CNTRL: variants seen among roughly 807,000 people sequenced by gnomAD.
CNTRL encodes centriolin, also known as 110 kDa centrosomal protein.
CNTRL carries 233 observed loss-of-function variants against 303.7 expected under a neutral mutation model. The ratio of observed to expected loss-of-function variants is 0.77; its 90% CI spans 0.69 to 0.86. CNTRL has a LOEUF of 0.86. CNTRL is among the 40% of genes least tolerant of loss of function. CNTRL has a pLI of 0.00. For missense variants in CNTRL, 2,524 were observed against 2,650.6 expected (o/e 0.95, Z 1.05); for synonymous variants, 900 against 922.2 (o/e 0.98, Z 0.44).
At chr9:121,173,773 A>G (rs779800085) in intron 42 of CNTRL, 36 bp downstream of exon 42, 1 of 1,589,152 alleles carries the variant, frequency 6.3e-7, no homozygotes. Flanking sequence ...TCAGTATGAG[A>G]TACTGGGCAC....
At chr9:121,081,511 C>T (rs939083727) in intron 2 of CNTRL, among the ~76,000 whole-genome samples, 4 of 152,210 alleles carry the variant, frequency 2.6e-5, no homozygotes, top group African/African-American at 7.2e-5. Flanking sequence ...AGATTGCCAC[C>T]TATACTTCTG....
At chr9:121,093,731 A>G (rs73662479) in intron 4 of CNTRL, among the ~76,000 whole-genome samples, 328 of 152,304 alleles carry the variant, frequency 2.2e-3, no homozygotes, top group African/African-American at 7.6e-3. Flanking sequence ...CCATATTCCC[A>G]TTACCTGGTG....
chr9:121,144,182 A>T, intron 20 of CNTRL, 100 bp downstream of exon 20: 2 of 1,031,308 alleles, frequency 1.9e-6, no homozygotes, highest in South Asian at 3.8e-5. Context: ...TGGTTATTTT[A>T]TAAACCACTG....
intron 19 of CNTRL, 41 bp downstream of exon 19, chr9:121,142,311 G>T (rs1383406224): frequency 6.5e-7 from 1 of 1,547,870 alleles, no homozygotes; most frequent in Non-Finnish European, 8.7e-7. Flanking sequence ...AGTACCTGCT[G>T]CCAGTGTCCT....
At chr9:121,170,203 G>A (rs1289559816) in intron 39 of CNTRL, among the ~76,000 whole-genome samples, 3 of 152,192 alleles carry the variant, frequency 2.0e-5, no homozygotes, top group Non-Finnish European at 4.4e-5. Flanking sequence ...AGATTGAGTG[G>A]CGCAATCTCA....
At chr9:121,092,815 A>T (rs1287811753) in intron 4 of CNTRL, among the ~76,000 whole-genome samples, 12 of 23,882 alleles carry the variant, frequency 5.0e-4, no homozygotes, top group African/African-American at 2.0e-3. Flanking sequence ...ATATATATAT[A>T]TATTTTTTTT....
intron 11 of CNTRL, among the ~76,000 whole-genome samples, chr9:121,117,108 A>T (rs2050012222): frequency 6.6e-6 from 1 of 152,194 alleles, no homozygotes; most frequent in Non-Finnish European, 1.5e-5. Context: ...AATAGCCTAA[A>T]TTTTTGTTTA....
At position 121,108,015 on chromosome 9, in the gene CNTRL, T is replaced by G. The variant is rs1451651195; in HGVS notation, c.1002+20T>G. Reference sequence around the variant, plus strand: ...GAATTGGTAAGTTCATATTTTACATTGCTTTGGCTGTATTCTCATAAGACA... The same window carrying G: ...GAATTGGTAAGTTCATATTTTACATGGCTTTGGCTGTATTCTCATAAGACA... On this transcript the variant is annotated intron_variant, in intron 8 of 43. Transcript: ENST00000373855. 4 of 1,517,674 alleles carry G rather than the reference T, an allele frequency of 2.6e-6. No individual in the cohort carries two copies. Among genetic ancestry groups the G allele is most frequent in the Non-Finnish European group, 3.6e-6 (4 of 1,126,296 alleles). The allele number at this position is 1,517,674 out of a possible 1,614,324, so 94.0% of individuals were successfully genotyped here.
intron 5 of CNTRL, among the ~76,000 whole-genome samples, chr9:121,095,858 A>G (rs2048869941): frequency 6.6e-6 from 1 of 152,230 alleles, no homozygotes; most frequent in African/African-American, 2.4e-5. Flanking sequence ...TAAATTGACA[A>G]ATAAATTAGA....
intron 9 of CNTRL, 69 bp downstream of exon 9, chr9:121,112,647 T>C: frequency 1.3e-6 from 2 of 1,481,540 alleles, no homozygotes; most frequent in Non-Finnish European, 1.9e-6. Context: ...GGAGGGCAGG[T>C]GGTGAGGACA....
intron 5 of CNTRL, 57 bp from the exon 6 acceptor site, chr9:121,096,365 A>G (rs951985449): frequency 2.7e-6 from 3 of 1,096,848 alleles, no homozygotes; most frequent in Non-Finnish European, 2.5e-6. Context: ...CTAAAAATAC[A>G]ATGGAGAGAC....
intron 5 of CNTRL, 90 bp downstream of exon 5, chr9:121,095,108 T>C: frequency 1.0e-6 from 1 of 981,192 alleles, no homozygotes. Flanking sequence ...GAAAGAATGA[T>C]TTGACAGAAA....
At chr9:121,132,465 A>G (rs556317362) in intron 14 of CNTRL, among the ~76,000 whole-genome samples, 2 of 152,280 alleles carry the variant, frequency 1.3e-5, no homozygotes, top group African/African-American at 2.4e-5. Flanking sequence ...TTCTCATGCC[A>G]TGGTTTTCAG....
chr9:121,099,156 G>A (rs922984887), intron 7 of CNTRL, among the ~76,000 whole-genome samples: 4 of 152,152 alleles, frequency 2.6e-5, no homozygotes, highest in Non-Finnish European at 5.9e-5. Flanking sequence ...TAACTGGGAG[G>A]CATCTCCCAG....
At chr9:121,165,318 TA>T (rs34558172) in intron 35 of CNTRL, among the ~76,000 whole-genome samples, 75,916 of 149,594 alleles carry the variant, frequency 0.51, 21,262 homozygotes, top group South Asian at 0.8. Context: ...TAAAGTCAGT[TA>T]AAAAAAAAAA....
Position 121,158,183 on chromosome 9 carries a change from G to T in CNTRL, c.4764+74G>T, listed in dbSNP as rs1248118523. On this transcript the variant is annotated intron_variant, in intron 30 of 43. Coordinates refer to ENST00000373855, the MANE Select transcript of CNTRL (RefSeq NM_007018.6). ...TTATAAAAGTAATACATGTTTAATT[G>T]TAGAAAAGAATAAATGCGGCTATGT... 3.9e-6 allele frequency: 6 copies of T among 1,527,098 alleles called. No individual in the cohort carries two copies. In the East Asian group the frequency reaches 1.4e-4, roughly 36 times the overall value. 94.6% of individuals were successfully genotyped at this position (1,527,098 alleles called of 1,614,324 possible).
chr9:121,140,000 T>G (rs1422027411), intron 16 of CNTRL, among the ~76,000 whole-genome samples: 1 of 152,198 alleles, frequency 6.6e-6, no homozygotes, highest in Non-Finnish European at 1.5e-5. Flanking sequence ...GAGTACAAGT[T>G]AAACCCACTC....
At chr9:121,090,834 T>C (rs946209591) in intron 4 of CNTRL, among the ~76,000 whole-genome samples, 2 of 152,212 alleles carry the variant, frequency 1.3e-5, no homozygotes, top group Non-Finnish European at 2.9e-5. Context: ...ATGCTGCTGA[T>C]AAAGACATAC....
chr9:121,139,121 T>C (rs1472854327), intron 16 of CNTRL, among the ~76,000 whole-genome samples: 1 of 152,226 alleles, frequency 6.6e-6, no homozygotes, highest in Admixed American at 6.5e-5. Flanking sequence ...TTCACTACCC[T>C]CTTCTCGGAA....
Sources: allele counts gnomAD v4.1 joint callset (sites outside exome capture counted in the v4.1 genomes callset), GRCh38; gene constraint gnomAD v4.1.1; transcripts MANE v1.5; gene names NCBI Gene and HGNC (gene_info 2026-07-23, HGNC 2026-07-21).